UBAC2: variants seen among roughly 807,000 people sequenced by gnomAD.
UBAC2 encodes the protein UBA domain containing 2.
Under a neutral mutation model 44.0 loss-of-function variants are expected in UBAC2, and 26 were observed. The observed-to-expected ratio is 0.59, with a 90% CI of 0.43 to 0.82. The LOEUF is 0.82. Ranked by LOEUF, UBAC2 falls within the 40% of genes least tolerant of loss-of-function variation. The pLI is 0.00. For synonymous variants in UBAC2, 155 were observed against 154.3 expected (o/e 1.00, Z -0.04); for missense variants, 329 against 419.4 (o/e 0.78, Z 1.88).
intron 1 of UBAC2, among the ~76,000 whole-genome samples, chr13:99,221,881 G>T (rs2043055592): frequency 1.3e-5 from 2 of 152,056 alleles, no homozygotes; most frequent in Admixed American, 1.3e-4. Flanking sequence ...TAAAGTCCCT[G>T]CCTGGAAGCC....
At chr13:99,328,083 T>C (rs1474891340) in intron 6 of UBAC2, among the ~76,000 whole-genome samples, 1 of 152,128 alleles carries the variant, frequency 6.6e-6, no homozygotes, top group East Asian at 1.9e-4. Flanking sequence ...GAATTTCATA[T>C]ACTTAGTATT....
At chr13:99,318,114 T>TA (rs767994519) in intron 6 of UBAC2, 45 bp downstream of exon 6, 1 of 1,528,022 alleles carries the variant, frequency 6.5e-7, no homozygotes, top group South Asian at 1.1e-5. Flanking sequence ...CTCTCTCCTG[T>TA]AAAAACATTA....
chr13:99,283,173 T>C (rs1252945329), intron 4 of UBAC2, among the ~76,000 whole-genome samples: 1 of 152,210 alleles, frequency 6.6e-6, no homozygotes, highest in African/African-American at 2.4e-5. Context: ...TTTACTTACT[T>C]AATGTTTAAT....
chr13:99,289,501 T>C (rs2044062579), intron 4 of UBAC2, among the ~76,000 whole-genome samples: 1 of 152,226 alleles, frequency 6.6e-6, no homozygotes, highest in Non-Finnish European at 1.5e-5. Flanking sequence ...CATGGGGAAC[T>C]ATTCTCAATC....
At chr13:99,294,996 T>C (rs566961130) in intron 4 of UBAC2, 54 of 1,514,450 alleles carry the variant, frequency 3.6e-5, no homozygotes, top group Non-Finnish European at 4.5e-5. Flanking sequence ...TTTTGCTTTA[T>C]AAGGGAAGTC....
intron 1 of UBAC2, among the ~76,000 whole-genome samples, chr13:99,222,785 C>A (rs184326101): frequency 6.6e-6 from 1 of 152,068 alleles, no homozygotes; most frequent in African/African-American, 2.4e-5. Flanking sequence ...TCTGTTAATA[C>A]GTTCATAAAG....
At chr13:99,370,753 C>G (rs1386215180) in intron 8 of UBAC2, among the ~76,000 whole-genome samples, 1 of 152,190 alleles carries the variant, frequency 6.6e-6, no homozygotes, top group Non-Finnish European at 1.5e-5. Flanking sequence ...TCCAGCCCCT[C>G]CCGCTTGCCA....
chr13:99,364,493 T>C (rs2138887621), intron 7 of UBAC2, among the ~76,000 whole-genome samples: 1 of 152,046 alleles, frequency 6.6e-6, no homozygotes, highest in South Asian at 2.1e-4. Flanking sequence ...TGGCCTTGTC[T>C]AGTTTTGGAA....
rs753395910 is a variant in UBAC2 at position 99,385,359 on chromosome 13, C to T, written c.*24C>T. 1.3e-5 allele frequency: 21 copies of T among 1,585,988 alleles called. No individual in the cohort carries two copies. The highest frequency in any genetic ancestry group is 8.9e-5 in the East Asian group (4 of 44,742). On this transcript the variant is annotated 3_prime_UTR_variant, in exon 9 of 9. Transcript: ENST00000403766. Reference sequence around the variant, plus strand: ...GATAGTCCCAGGCCAACACTGGGACCGGACCGGCAGCCGAGTGACAGTGCG... The same window carrying T: ...GATAGTCCCAGGCCAACACTGGGACTGGACCGGCAGCCGAGTGACAGTGCG...
chr13:99,385,256 C>G lies in UBAC2; in HGVS notation c.956C>G (p.Ser319Cys), dbSNP rs2045605265. The G allele has an allele frequency of 1.2e-6, 2 of 1,614,138 alleles. No homozygotes were observed. Among genetic ancestry groups the G allele is most frequent in the Non-Finnish European group, 1.7e-6 (2 of 1,180,030 alleles). Residue 319 changes from serine (S) to cysteine (C), a missense_variant, in exon 9 of 9, where the codon TCC (serine) becomes TGC (cysteine). Ser to Cys is a moderately radical substitution (Grantham distance 112). Coordinates refer to ENST00000403766, the MANE Select transcript of UBAC2 (RefSeq NM_001144072.2). ...GCCCGGCTCATGGAGATGGGATTTT[C>G]CAGAGGTGATGCTTTGGAAGCCCTG... Reference protein sequence around the residue: ...QVARLMEMGFSRGDALEALRA... With the variant: ...QVARLMEMGFCRGDALEALRA...
At chr13:99,321,583 G>A (rs140014290) in intron 6 of UBAC2, among the ~76,000 whole-genome samples, 12 of 152,284 alleles carry the variant, frequency 7.9e-5, no homozygotes, top group Non-Finnish European at 1.0e-4. Context: ...GATTATAGGC[G>A]TGAGCCACCG....
intron 4 of UBAC2, among the ~76,000 whole-genome samples, chr13:99,297,835 C>T (rs1293637448): frequency 6.6e-6 from 1 of 151,468 alleles, no homozygotes; most frequent in African/African-American, 2.4e-5. Context: ...CAGCTGTTTG[C>T]TGCTTAGAAG....
At chr13:99,283,925 G>A (rs149973744) in intron 4 of UBAC2, among the ~76,000 whole-genome samples, 3,255 of 151,860 alleles carry the variant, frequency 0.021, 117 homozygotes, top group African/African-American at 0.073. Context: ...AATAGAGACG[G>A]TGTTTCACCA....
intron 4 of UBAC2, among the ~76,000 whole-genome samples, chr13:99,261,355 T>A (rs924697751): frequency 1.3e-5 from 2 of 152,232 alleles, no homozygotes; most frequent in East Asian, 1.9e-4. Context: ...CTAAACTGAC[T>A]GCTCTTTGGG....
chr13:99,314,206 A>G lies in UBAC2; in HGVS notation c.499A>G (p.Ile167Val). The G allele has an allele frequency of 5.6e-6, 9 of 1,607,290 alleles. No homozygotes were observed. Among genetic ancestry groups the G allele is most frequent in the East Asian group, 2.2e-5 (1 of 44,500 alleles). Residue 167 changes from isoleucine (I) to valine (V), a missense_variant, in exon 5 of 9, where the codon ATA becomes GTA. Transcript: ENST00000403766. Reference protein sequence around the residue: ...LSITNKTLIYILGLQLFTSGS... With the variant: ...LSITNKTLIYVLGLQLFTSGS... Reference sequence around the variant, plus strand: ...CATCACAAACAAGACATTGATTTATATATTGGGACTGCAGGTACAGTATGC... The same window carrying G: ...CATCACAAACAAGACATTGATTTATGTATTGGGACTGCAGGTACAGTATGC...
intron 4 of UBAC2, among the ~76,000 whole-genome samples, chr13:99,277,960 C>T (rs950066705): frequency 1.3e-5 from 2 of 152,298 alleles, no homozygotes; most frequent in African/African-American, 4.8e-5. Context: ...GGATAAATTT[C>T]CTCATGGTCT....
At chr13:99,381,463 A>G (rs1281080530) in intron 8 of UBAC2, among the ~76,000 whole-genome samples, 5 of 152,216 alleles carry the variant, frequency 3.3e-5, no homozygotes, top group Admixed American at 6.5e-5. Flanking sequence ...TTGAAGTACT[A>G]CAGGTAGTAG....
chr13:99,250,275 TA>T (rs1295770884), intron 4 of UBAC2, among the ~76,000 whole-genome samples: 2 of 152,232 alleles, frequency 1.3e-5, no homozygotes, highest in African/African-American at 4.8e-5. Context: ...ATTTTCTGCA[TA>T]TGACTAGCCA....
chr13:99,206,516 T>G (rs1052968925), intron 1 of UBAC2, among the ~76,000 whole-genome samples: 8 of 152,208 alleles, frequency 5.3e-5, no homozygotes, highest in Admixed American at 3.3e-4. Flanking sequence ...TGATCCCTCC[T>G]TGTCTCCAGT....
Sources: gnomAD v4.1 joint callset for allele counts (sites outside exome capture counted in the v4.1 genomes callset) on GRCh38, gnomAD v4.1.1 for gene constraint, MANE v1.5 for transcripts, NCBI Gene and HGNC (gene_info 2026-07-23, HGNC 2026-07-21) for gene names.